EPHA6: variants seen among roughly 807,000 people sequenced by gnomAD.
The protein encoded by EPHA6 is EPH receptor A6, also known as ephrin type-A receptor 6.
Under a neutral mutation model 112.0 loss-of-function variants are expected in EPHA6, and 50 were observed. The observed-to-expected ratio is 0.45, with a 90% CI of 0.36 to 0.56. EPHA6 has a LOEUF of 0.56. Among genes scored for constraint, EPHA6 ranks in the 20% least tolerant of loss-of-function variants. The pLI, the probability that EPHA6 is intolerant of heterozygous loss-of-function variation, is 0.00. For synonymous variants in EPHA6, 529 were observed against 490.7 expected, an observed-to-expected ratio of 1.08 and a Z score of -1.03; for missense variants, 1,280 against 1,417.4, an observed-to-expected ratio of 0.90 and a Z score of 1.56.
At chr3:97,616,541 T>C (rs993000833) in intron 13 of EPHA6, among the ~76,000 whole-genome samples, 1 of 152,094 alleles carries the variant, frequency 6.6e-6, no homozygotes, top group Non-Finnish European at 1.5e-5. Flanking sequence ...TGATAAAACA[T>C]TGCAGGAGCT....
At chr3:97,393,502 C>T (rs2086534406) in intron 5 of EPHA6, among the ~76,000 whole-genome samples, 1 of 151,812 alleles carries the variant, frequency 6.6e-6, no homozygotes, top group South Asian at 2.1e-4. Context: ...CTTGTCTGGT[C>T]TCACCTCTGT....
In EPHA6 at chr3:97,234,182, C is replaced by T. The variant is rs545783878; in HGVS notation, c.1270+7763C>T. On this transcript the variant is annotated intron_variant, in intron 4 of 17. Coordinates refer to ENST00000389672, the MANE Select transcript of EPHA6 (RefSeq NM_001080448.3). ...TGTCTCACATTCAAAGCTAATCCTT[C>T]CAATTGTTGGGGGATGATCTGATCT... 3.3e-5 allele frequency among the ~76,000 whole-genome samples: 5 copies of T among 152,194 alleles called. 1 individual carries two copies. The South Asian group carries it at 1.0e-3, about 32-fold the overall frequency.
chr3:97,644,524 A>T lies in EPHA6; in HGVS notation c.2784+6442A>T, dbSNP rs181161783. On this transcript the variant is annotated intron_variant, in intron 14 of 17. Transcript: ENST00000389672. ...AGCTGGTTTTTTGAAAGGATCAACA[A>T]AATTGATAGACCACTAGCAAGACTA... Among the ~76,000 whole-genome samples the T allele has an allele frequency of 2.9e-3, 440 of 152,276 alleles. 2 individuals carry two copies. Among genetic ancestry groups the T allele is most frequent in the African/African-American group, 9.7e-3 (403 of 41,534 alleles).
chr3:97,626,248 T>TA (rs748948122), intron 13 of EPHA6, among the ~76,000 whole-genome samples: 3 of 151,966 alleles, frequency 2.0e-5, no homozygotes, highest in Admixed American at 1.3e-4. Flanking sequence ...TTATATGTGC[T>TA]AGTTGTATAC....
intron 3 of EPHA6, among the ~76,000 whole-genome samples, chr3:97,085,948 T>TAC (rs1553701214): frequency 1.5e-4 from 22 of 145,104 alleles, no homozygotes; most frequent in African/African-American, 5.0e-4. Flanking sequence ...TATATATATA[T>TAC]ACACACTGAG....
At chr3:97,051,772 C>T (rs527866113) in intron 3 of EPHA6, among the ~76,000 whole-genome samples, 3 of 152,198 alleles carry the variant, frequency 2.0e-5, no homozygotes, top group Non-Finnish European at 4.4e-5. Context: ...GTTTAGGTCT[C>T]ACCCTCAGAG....
At chr3:96,871,283 A>G (rs998011354) in intron 2 of EPHA6, among the ~76,000 whole-genome samples, 5 of 152,010 alleles carry the variant, frequency 3.3e-5, no homozygotes, top group African/African-American at 1.2e-4. Context: ...AAGGGAAAGG[A>G]CTTGATAATA....
chr3:96,938,549 T>C (rs2040737131), intron 2 of EPHA6, among the ~76,000 whole-genome samples: 1 of 152,250 alleles, frequency 6.6e-6, no homozygotes. Context: ...TCATGTCATC[T>C]GCAAACAGGG....
At chr3:97,736,308 T>TA (rs1195434674) in intron 16 of EPHA6, among the ~76,000 whole-genome samples, 190 bp downstream of exon 16, 2 of 151,976 alleles carry the variant, frequency 1.3e-5, no homozygotes, top group Admixed American at 6.6e-5. Context: ...TGGACTCTTT[T>TA]AAAAAAAGAT....
At position 97,298,649 on chromosome 3, in the gene EPHA6, T is replaced by C. The variant is rs570141866; in HGVS notation, c.1606+54362T>C. Among the ~76,000 whole-genome samples the C allele has an allele frequency of 4.6e-5, 7 of 152,268 alleles. No homozygotes were observed. In the South Asian group the frequency reaches 1.2e-3, roughly 27 times the overall value. ...ATATATAAGACAGAAGAAAATTTTC[T>C]GTTAATCCTAAAAAAAAGAAATATT... On this transcript the variant is annotated intron_variant, in intron 5 of 17. Transcript: ENST00000389672.
At chr3:97,224,602 A>G (rs1377588951) in intron 3 of EPHA6, among the ~76,000 whole-genome samples, 1 of 152,134 alleles carries the variant, frequency 6.6e-6, no homozygotes, top group Non-Finnish European at 1.5e-5. Context: ...ATTCTTCTTT[A>G]TGTGTCTTAT....
rs2093690290 is a variant in EPHA6, at chr3:97,607,758, A to G, written c.2513-3035A>G. On this transcript the variant is annotated intron_variant, in intron 12 of 17. Coordinates refer to ENST00000389672, the MANE Select transcript of EPHA6 (RefSeq NM_001080448.3). Reference sequence around the variant, plus strand: ...ATGAGGCAGAAGGGGTGACTGGCTAAAATTGTACAAAAAGAAATAAGGTGT... The same window carrying G: ...ATGAGGCAGAAGGGGTGACTGGCTAGAATTGTACAAAAAGAAATAAGGTGT... Among the ~76,000 whole-genome samples, 3 of 151,152 alleles carry G rather than the reference A, an allele frequency of 2.0e-5. No individual in the cohort carries two copies. The Admixed American group carries it at 2.0e-4, about 10-fold the overall frequency.
chr3:97,448,690 T>A lies in EPHA6; in HGVS notation c.1854T>A (p.Ser618Arg), dbSNP rs1458839052. 1 of 1,613,510 alleles carries A rather than the reference T, an allele frequency of 6.2e-7. No individual in the cohort carries two copies. The change falls in exon 7 of 18, where the codon AGT becomes AGA. Residue 618 changes from serine (S) to arginine (R), a missense_variant. Physicochemically the swap from Ser to Arg is moderately radical, Grantham distance 110. Coordinates refer to ENST00000389672, the MANE Select transcript of EPHA6 (RefSeq NM_001080448.3). ...HIRVRTATGY[S>R]GYSQKFEFET... Reference sequence around the variant, plus strand: ...GAGTGAGAACTGCGACAGGATACAGTGGCTACAGTCAGAAATTTGAATTTG... The same window carrying A: ...GAGTGAGAACTGCGACAGGATACAGAGGCTACAGTCAGAAATTTGAATTTG...
At chr3:97,176,597 G>T (rs148368299) in intron 3 of EPHA6, among the ~76,000 whole-genome samples, 37 of 151,688 alleles carry the variant, frequency 2.4e-4, no homozygotes, top group African/African-American at 8.0e-4. Context: ...TTGAGGTTTT[G>T]TATTTCTTCC....
intron 2 of EPHA6, among the ~76,000 whole-genome samples, chr3:96,946,676 T>C (rs2041280453): frequency 6.6e-6 from 1 of 152,196 alleles, no homozygotes; most frequent in African/African-American, 2.4e-5. Flanking sequence ...TTATAATCCT[T>C]TGGGTATATA....
chr3:97,745,146 C>CT (rs1462892152), intron 16 of EPHA6, among the ~76,000 whole-genome samples: 1 of 151,938 alleles, frequency 6.6e-6, no homozygotes, highest in Non-Finnish European at 1.5e-5. Context: ...AGTGAAAACT[C>CT]TGAGAAATGC....
At chr3:97,080,958 GACTC>G (rs2046701228) in intron 3 of EPHA6, among the ~76,000 whole-genome samples, 1 of 151,900 alleles carries the variant, frequency 6.6e-6, no homozygotes, top group South Asian at 2.1e-4. Context: ...AAAAAGTAAT[GACTC>G]ACTCTTTTAC....
chr3:97,010,888 A>G (rs1376084263), intron 3 of EPHA6, among the ~76,000 whole-genome samples: 1 of 152,144 alleles, frequency 6.6e-6, no homozygotes, highest in East Asian at 1.9e-4. Context: ...TTTCATATTT[A>G]TTTGTCTTCG....
intron 3 of EPHA6, among the ~76,000 whole-genome samples, chr3:97,174,023 C>T (rs2108434401): frequency 6.6e-6 from 1 of 151,562 alleles, no homozygotes; most frequent in African/African-American, 2.4e-5. Flanking sequence ...TTCTACCTTC[C>T]CCCCCAGTCC....
Sources: allele counts gnomAD v4.1 joint callset (sites outside exome capture counted in the v4.1 genomes callset), GRCh38; gene constraint gnomAD v4.1.1; transcripts MANE v1.5; gene names NCBI Gene and HGNC (gene_info 2026-07-23, HGNC 2026-07-21).